The following LRRC18 variants were observed in gnomAD, a reference collection of about 807,000 sequenced individuals.
The protein encoded by LRRC18 is leucine-rich repeat-containing protein 18.
A neutral mutation model predicts 11.2 loss-of-function variants in LRRC18; 12 were observed. That is an observed-to-expected ratio of 1.07 (90% CI 0.69 to 1.74). The LOEUF (loss-of-function observed/expected upper bound fraction) is 1.74. Among genes scored for constraint, LRRC18 ranks in the 40% most tolerant of loss-of-function variants. The pLI, the probability that LRRC18 is intolerant of heterozygous loss-of-function variation, is 0.00. For missense variants in LRRC18, 374 were observed against 330.5 expected (o/e 1.13, Z -1.02); for synonymous variants, 155 against 130.6 (o/e 1.19, Z -1.27).
At chr10:48,938,369 T>G in the LRRC18 span, among the ~76,000 whole-genome samples, 1 of 152,232 alleles carries the variant, frequency 6.6e-6, no homozygotes, top group Non-Finnish European at 1.5e-5. Flanking sequence ...CCAGACTCCT[T>G]CCAGGGCTGA....
upstream of LRRC18, among the ~76,000 whole-genome samples, chr10:48,916,517 G>A (rs951959934): frequency 2.0e-5 from 3 of 152,156 alleles, no homozygotes; most frequent in Non-Finnish European, 2.9e-5. Context: ...AGAGCTGGGG[G>A]GTTGCTTTGT....
chr10:48,922,340 A>G, the LRRC18 span, among the ~76,000 whole-genome samples: 1 of 152,180 alleles, frequency 6.6e-6, no homozygotes, highest in African/African-American at 2.4e-5. Context: ...TAGCTGTCCT[A>G]GTAGTGAGTA....
At chr10:48,935,536 A>G in the LRRC18 span, among the ~76,000 whole-genome samples, 1 of 152,232 alleles carries the variant, frequency 6.6e-6, no homozygotes, top group Non-Finnish European at 1.5e-5. Flanking sequence ...TTTCACTTTA[A>G]TAGCATTCAT....
chr10:48,934,270 A>G, the LRRC18 span, among the ~76,000 whole-genome samples: 4 of 152,172 alleles, frequency 2.6e-5, no homozygotes, highest in Non-Finnish European at 4.4e-5. Flanking sequence ...CAAAGACACT[A>G]CCTACTTTTT....
chr10:48,921,332 T>C, the LRRC18 span, among the ~76,000 whole-genome samples: 8 of 152,144 alleles, frequency 5.3e-5, no homozygotes, highest in Non-Finnish European at 1.2e-4. Flanking sequence ...AAATGGTCAA[T>C]TGATTTTTGA....
the LRRC18 span, among the ~76,000 whole-genome samples, chr10:48,929,025 T>G: frequency 6.6e-6 from 1 of 152,066 alleles, no homozygotes; most frequent in African/African-American, 2.4e-5. Flanking sequence ...AGAGTCAGGA[T>G]AGAGACATAG....
chr10:48,914,072 C>T (rs1021643943), exon 1 of LRRC18: 1 of 1,614,166 alleles, frequency 6.2e-7, no homozygotes, highest in Non-Finnish European at 8.5e-7. Context: ...GGCGCTTTTT[C>T]CCATCAAAAG....
At chr10:48,931,048 A>T in the LRRC18 span, among the ~76,000 whole-genome samples, 58 of 152,084 alleles carry the variant, frequency 3.8e-4, no homozygotes, top group African/African-American at 1.4e-3. Context: ...ATCTATTTCT[A>T]ACCAGAAAAA....
At chr10:48,917,500 A>T (rs1838658481), upstream of LRRC18, among the ~76,000 whole-genome samples, 1 of 152,240 alleles carries the variant, frequency 6.6e-6, no homozygotes. Flanking sequence ...GCTGCCGGAG[A>T]ACAATGACGT....
At chr10:48,923,496 G>GTA in the LRRC18 span, among the ~76,000 whole-genome samples, 1,654 of 63,180 alleles carry the variant, frequency 0.026, 185 homozygotes, top group African/African-American at 0.041. Flanking sequence ...ATAGTTTTTA[G>GTA]TATATATATA....
At chr10:48,920,577 C>G in the LRRC18 span, among the ~76,000 whole-genome samples, 3 of 152,102 alleles carry the variant, frequency 2.0e-5, no homozygotes, top group African/African-American at 7.2e-5. Flanking sequence ...TCGTGAAGGA[C>G]AGAAGGTTCT....
At chr10:48,913,758 A>C (rs778700449) in exon 1 of LRRC18, 43 of 1,613,868 alleles carry the variant, frequency 2.7e-5, no homozygotes, top group Non-Finnish European at 1.3e-5. Context: ...CACGCTGTCC[A>C]GGTGGTTCAA....
At chr10:48,935,065 A>C in the LRRC18 span, 2 of 152,382 alleles carry the variant, frequency 1.3e-5, no homozygotes, top group East Asian at 1.9e-4. Flanking sequence ...GGCATTTCCA[A>C]AGCTGCTTAC....
rs1837864952 is a variant in LRRC18 at position 48,910,138 on chromosome 10, C to G, written c.*99G>C. On this transcript the variant is annotated 3_prime_UTR_variant, in exon 2 of 2. Transcript: ENST00000374160. ...CCGGCGAGCCTGGTTTCCAGAACAT[C>G]TCACTTGCCACTCTGTCTTCTCCTA... The G allele has an allele frequency of 6.0e-6, 7 of 1,165,828 alleles. 1 individual carries two copies. In the South Asian group the frequency reaches 8.7e-5, roughly 14 times the overall value. 72.2% of individuals were successfully genotyped at this position (1,165,828 alleles called of 1,614,324 possible). A position where few individuals can be genotyped will look rare whatever the true frequency, so the allele number is the denominator to read the frequency against.
the LRRC18 span, among the ~76,000 whole-genome samples, chr10:48,919,314 A>T: frequency 6.6e-6 from 1 of 152,234 alleles, no homozygotes; most frequent in Non-Finnish European, 1.5e-5. Flanking sequence ...GATAAGATCA[A>T]CTAAAAACTA....
chr10:48,921,466 C>T, the LRRC18 span, among the ~76,000 whole-genome samples: 1 of 152,014 alleles, frequency 6.6e-6, no homozygotes, highest in Admixed American at 6.6e-5. Flanking sequence ...CAAAATGGAT[C>T]ATAGATTTGA....
upstream of LRRC18, among the ~76,000 whole-genome samples, chr10:48,918,551 C>G (rs1004618790): frequency 6.6e-6 from 1 of 152,112 alleles, no homozygotes; most frequent in Admixed American, 6.5e-5. Context: ...ATGTACCTAA[C>G]AGCAGAGCTT....
upstream of LRRC18, among the ~76,000 whole-genome samples, chr10:48,918,871 T>C (rs1370341535): frequency 6.6e-6 from 1 of 152,204 alleles, no homozygotes; most frequent in African/African-American, 2.4e-5. Context: ...GTTGTAACAA[T>C]CAATAATGTC....
the LRRC18 span, among the ~76,000 whole-genome samples, chr10:48,935,883 T>C: frequency 6.8e-6 from 1 of 147,052 alleles, no homozygotes; most frequent in South Asian, 2.3e-4. Context: ...GCTGAAATTA[T>C]CTATTTGTGC....
Sources: allele counts gnomAD v4.1 joint callset (sites outside exome capture counted in the v4.1 genomes callset), GRCh38; gene constraint gnomAD v4.1.1; transcripts MANE v1.5; gene names NCBI Gene and HGNC (gene_info 2026-07-23, HGNC 2026-07-21).